Variants in ABHD15 observed in about 807,000 individuals in gnomAD.
The protein encoded by ABHD15 is protein ABHD15.
In ABHD15, 34 loss-of-function variants were observed where a neutral mutation model predicts 34.4. That is an observed-to-expected ratio of 0.99 (90% CI 0.75 to 1.32). The LOEUF is 1.32. ABHD15 is among the 40% of genes most tolerant of loss of function. ABHD15 has a pLI of 0.00. For synonymous variants in ABHD15, 314 were observed against 299.2 expected, an observed-to-expected ratio of 1.05 and a Z score of -0.51; for missense variants, 644 against 650.4, an observed-to-expected ratio of 0.99 and a Z score of 0.11.
chr17:29,566,427 G>T lies in ABHD15; in HGVS notation c.540C>A (p.Leu180=). 2 of 1,612,228 alleles carry T rather than the reference G, an allele frequency of 1.2e-6. No individual in the cohort carries two copies. The highest frequency in any genetic ancestry group is 1.7e-6 in the Non-Finnish European group (2 of 1,179,570). The part of the protein sequence containing the change: ...LTRNVLGLCL[L]ALERGYYPVI... Reference sequence around the variant, plus strand: ...CCGGGTAGTAGCCGCGCTCCAGGGCGAGCAAGCAAAGGCCGAGCACGTTGC... The same window carrying T: ...CCGGGTAGTAGCCGCGCTCCAGGGCTAGCAAGCAAAGGCCGAGCACGTTGC... Residue 180 remains leucine, a synonymous_variant, in exon 1 of 2, where the codon CTC becomes CTA. Transcript: ENST00000307201.
At chr17:29,565,103 T>G (rs1327998396) in intron 1 of ABHD15, among the ~76,000 whole-genome samples, 2 of 151,696 alleles carry the variant, frequency 1.3e-5, no homozygotes, top group East Asian at 3.9e-4. Flanking sequence ...AAAAAAATAT[T>G]AAAAATTAGC....
At position 29,563,050 on chromosome 17, in the gene ABHD15, G is replaced by A; in HGVS notation, c.918C>T (p.Ser306=). The A allele has an allele frequency of 6.2e-7, 1 of 1,609,888 alleles. No individual in the cohort carries two copies. The highest frequency in any genetic ancestry group is 8.5e-7 in the Non-Finnish European group (1 of 1,179,950). The change falls in exon 2 of 2, where the codon AGC becomes AGT. Residue 306 remains serine (S), a synonymous_variant. Transcript: ENST00000307201. ...GAAGGGAACGGCTCCTGAACAGTCT[G>A]CTGGTGTCCACAGTGTCCTCCAGGG... ...ATALEDTVDT[S]RLFRSRSLRE... is the part of the protein sequence containing the mutation.
chr17:29,566,259 TTCGCTC>T lies in ABHD15; in HGVS notation c.702_707del (p.Ser235_Glu236del). On this transcript the variant is annotated inframe_deletion, in exon 1 of 2. Transcript: ENST00000307201. Reference sequence around the variant, plus strand: ...ACAGGAGCAGCGCCGAGCCCGAGCCTTCGCTCACCGCGAACAGCGGCGCCGCCGGGT... The same window carrying T: ...ACAGGAGCAGCGCCGAGCCCGAGCCTACCGCGAACAGCGGCGCCGCCGGGT... The T allele has an allele frequency of 6.2e-7, 1 of 1,610,818 alleles. No homozygotes were observed. Among genetic ancestry groups the T allele is most frequent in the Non-Finnish European group, 8.5e-7 (1 of 1,178,938 alleles).
At position 29,566,776 on chromosome 17, in the gene ABHD15, T is replaced by TCCCCCCCCCCCCC; in HGVS notation, c.190_191insGGGGGGGGGGGGG (p.Glu64GlyfsTer62). ...AAGGCTGCACCCTCCCGGCAGTGGC[T>TCCCCCCCCCCCCC]CGCGCCCGTCGCTGAACTGGTCCGC... On this transcript the variant is annotated frameshift_variant, in exon 1 of 2. Transcript: ENST00000307201. LOFTEE classifies it high-confidence loss of function. The TCCCCCCCCCCCCC allele has an allele frequency of 6.6e-7, 1 of 1,512,920 alleles. No individual in the cohort carries two copies. The highest frequency in any genetic ancestry group is 8.8e-7 in the Non-Finnish European group (1 of 1,137,342). 93.7% of individuals were successfully genotyped at this position (1,512,920 alleles called of 1,614,324 possible).
At position 29,566,869 on chromosome 17, in the gene ABHD15, A is replaced by C. The variant is rs1167952220; in HGVS notation, c.98T>G (p.Val33Gly). ...GGCCCCCGGCAGGGTCCTCTCTCCG[A>C]CGGCGCGCCCCCAGGGTCCCCGGAG... ...PRLRGPWGRA[V>G]GERTLPGAQD... The change falls in exon 1 of 2, where the codon GTC becomes GGC. Residue 33 changes from valine to glycine, a missense_variant. Physicochemically the swap from Val to Gly is moderately radical, Grantham distance 109. Transcript: ENST00000307201. 16 of 1,503,670 alleles carry C rather than the reference A, an allele frequency of 1.1e-5. No individual in the cohort carries two copies. Among genetic ancestry groups the C allele is most frequent in the African/African-American group, 2.9e-5 (2 of 68,690 alleles). The allele number at this position is 1,503,670 out of a possible 1,614,324, so 93.1% of individuals were successfully genotyped here. A position where few individuals can be genotyped will look rare whatever the true frequency, so the allele number is the denominator to read the frequency against.
intron 1 of ABHD15, 23 bp downstream of exon 1, chr17:29,566,063 G>A (rs945711372): frequency 6.6e-7 from 1 of 1,514,668 alleles, no homozygotes; most frequent in African/African-American, 1.4e-5. Flanking sequence ...TTTCCATGCT[G>A]GTCTGCGGCC....
chr17:29,566,414 C>T lies in ABHD15; in HGVS notation c.553G>A (p.Gly185Ser). ...CGATGGAAGATGACCGGGTAGTAGC[C>T]GCGCTCCAGGGCGAGCAAGCAAAGG... ...LGLCLLALER[G>S]YYPVIFHRRG... Residue 185 changes from glycine (G) to serine (S), a missense_variant, in exon 1 of 2, where the codon GGC becomes AGC. Transcript: ENST00000307201. The T allele has an allele frequency of 6.2e-7, 1 of 1,611,960 alleles. No homozygotes were observed. The highest frequency in any genetic ancestry group is 8.5e-7 in the Non-Finnish European group (1 of 1,179,404).
In ABHD15 at chr17:29,566,183, T is replaced by A; in HGVS notation, c.784A>T (p.Ile262Phe). Residue 262 changes from isoleucine to phenylalanine, a missense_variant, in exon 1 of 2, where the codon ATC (isoleucine) becomes TTC (phenylalanine). Ile to Phe is a conservative substitution (Grantham distance 21). Coordinates refer to ENST00000307201, the MANE Select transcript of ABHD15 (RefSeq NM_198147.3). ...TCTCGGCAGCGCAGCACGGGCGAGA[T>A]GCAGGCGGCGCCTGTCACGTAGCTG... is the stretch of plus-strand genomic sequence containing the variant. ...SSSYVTGAAC[I>F]SPVLRCREWF... 1 of 1,609,514 alleles carries A rather than the reference T, an allele frequency of 6.2e-7. No individual in the cohort carries two copies. The highest frequency in any genetic ancestry group is 8.5e-7 in the Non-Finnish European group (1 of 1,177,810).
At position 29,566,701 on chromosome 17, in the gene ABHD15, C is replaced by A; in HGVS notation, c.266G>T (p.Arg89Leu). ...CGGGCCGGCCTCCAGCGCCTCTGAG[C>A]GCCGCAGGGCGCGCAGCAGGCACTG... ...LAQCLLRALR[R>L]SEALEAGPRS... Residue 89 changes from arginine to leucine, a missense_variant, in exon 1 of 2, where the codon CGC (arginine) becomes CTC (leucine). By Grantham distance (102) the Arg-to-Leu change is moderately radical. Coordinates refer to ENST00000307201, the MANE Select transcript of ABHD15 (RefSeq NM_198147.3). The A allele has an allele frequency of 1.3e-6, 2 of 1,583,838 alleles. No individual in the cohort carries two copies. The highest frequency in any genetic ancestry group is 1.7e-4 in the Middle Eastern group (1 of 5,850).
intron 1 of ABHD15, among the ~76,000 whole-genome samples, chr17:29,564,212 T>G (rs909293772): frequency 6.6e-6 from 1 of 152,278 alleles, no homozygotes; most frequent in Non-Finnish European, 1.5e-5. Context: ...AGGTGACACC[T>G]CTGCTAATAA....
chr17:29,566,802 CG>C lies in ABHD15; in HGVS notation c.164del (p.Pro55ArgfsTer62). Reference sequence around the variant, plus strand: ...CGCGCCCGTCGCTGAACTGGTCCGCCGGGCCTCCGCCGTCCGCCTCCTCCCC... The same window carrying C: ...CGCGCCCGTCGCTGAACTGGTCCGCCGGCCTCCGCCGTCCGCCTCCTCCCC... ...DDGEEADGGG[P>X]ADQFSDGREP... On this transcript the variant is annotated frameshift_variant, in exon 1 of 2. Transcript: ENST00000307201. LOFTEE classifies it high-confidence loss of function. 3 of 1,513,492 alleles carry C rather than the reference CG, an allele frequency of 2.0e-6. No individual in the cohort carries two copies. Among genetic ancestry groups the C allele is most frequent in the Non-Finnish European group, 2.6e-6 (3 of 1,138,620 alleles). The allele number at this position is 1,513,492 out of a possible 1,614,324, so 93.8% of individuals were successfully genotyped here.
At position 29,560,714 on chromosome 17, in the gene ABHD15, G is replaced by T. The variant is rs918765841; in HGVS notation, c.*1847C>A. ...CTGTCGCCCAGGCTGGAGTGCAGTGGTGCGATCTCAGCTCACTGCAAGCTC... is the reference window on the plus strand; with the variant it reads ...CTGTCGCCCAGGCTGGAGTGCAGTGTTGCGATCTCAGCTCACTGCAAGCTC... On this transcript the variant is annotated 3_prime_UTR_variant, in exon 2 of 2. Coordinates refer to ENST00000307201, the MANE Select transcript of ABHD15 (RefSeq NM_198147.3). The T allele has an allele frequency of 3.3e-5, 5 of 151,926 alleles. No individual in the cohort carries two copies. The highest frequency in any genetic ancestry group is 4.8e-5 in the African/African-American group (2 of 41,324). The allele number at this position is 151,926 out of a possible 1,614,324, so 9.4% of individuals were successfully genotyped here.
chr17:29,562,644 C>T lies in ABHD15; in HGVS notation c.1324G>A (p.Gly442Arg), dbSNP rs747262799. The T allele has an allele frequency of 4.3e-6, 7 of 1,613,980 alleles. No individual in the cohort carries two copies. Among genetic ancestry groups the T allele is most frequent in the African/African-American group, 4.0e-5 (3 of 74,910 alleles). Residue 442 changes from glycine (G) to arginine (R), a missense_variant, in exon 2 of 2, where the codon GGG (glycine) becomes AGG (arginine). Physicochemically the swap from Gly to Arg is moderately radical, Grantham distance 125 (BLOSUM62 -2). Transcript: ENST00000307201. Reference sequence around the variant, plus strand: ...ACTTCCCGCCTCTGCAAGGCTCCCCCACGACGACGGCCCCCAAGGAAGGAA... The same window carrying T: ...ACTTCCCGCCTCTGCAAGGCTCCCCTACGACGACGGCCCCCAAGGAAGGAA... ...RASFLGGRRRGGALQRREVSS... is the reference protein window; with the variant it reads ...RASFLGGRRRRGALQRREVSS...
chr17:29,566,658 C>A lies in ABHD15; in HGVS notation c.309G>T (p.Gly103=), dbSNP rs761577551. The change falls in exon 1 of 2, where the codon GGG becomes GGT. Residue 103 remains glycine (G), a synonymous_variant. Coordinates refer to ENST00000307201, the MANE Select transcript of ABHD15 (RefSeq NM_198147.3). ...LEAGPRSWFS[G]PHLQTLCHFV... ...AGTGGCAGAGGGTCTGCAGGTGGGG[C>A]CCGGAGAACCAGGAGCGCGGGCCGG... is the stretch of plus-strand genomic sequence containing the variant. The A allele has an allele frequency of 1.9e-6, 3 of 1,602,960 alleles. No homozygotes were observed. The highest frequency in any genetic ancestry group is 4.5e-5 in the East Asian group (2 of 44,774).
Position 29,564,443 on chromosome 17 carries a change from G to A in ABHD15, c.882-1357C>T, listed in dbSNP as rs543402023. On this transcript the variant is annotated intron_variant, in intron 1 of 1. Coordinates refer to ENST00000307201, the MANE Select transcript of ABHD15 (RefSeq NM_198147.3). ...TCAGAGCAACTGCTTTGGGTAACAGGGAACATCTTTGCTGTTTCTAGACCC... is the reference window on the plus strand; with the variant it reads ...TCAGAGCAACTGCTTTGGGTAACAGAGAACATCTTTGCTGTTTCTAGACCC... Among the ~76,000 whole-genome samples the A allele has an allele frequency of 3.9e-5, 6 of 152,296 alleles. No individual in the cohort carries two copies. The South Asian group carries it at 8.3e-4, about 21-fold the overall frequency.
exon 1 of ABHD15, chr17:29,567,021 AGCTCCGCGCTTTGCCCGCG>A: frequency 8.1e-7 from 1 of 1,227,306 alleles, no homozygotes; most frequent in Non-Finnish European, 1.0e-6. The surrounding 1 kb of genome is among the most constrained non-coding windows in gnomAD (Gnocchi z 6.6). Context: ...CTACTCGGCG[AGCTCCGCGCTTTGCCCGCG>A]GCTCCGCCCG....
chr17:29,562,756 G>T lies in ABHD15; in HGVS notation c.1212C>A (p.Ser404Arg). The change falls in exon 2 of 2, where the codon AGC becomes AGA. Residue 404 changes from serine (S) to arginine (R), a missense_variant. Physicochemically the swap from Ser to Arg is moderately radical, Grantham distance 110. Coordinates refer to ENST00000307201, the MANE Select transcript of ABHD15 (RefSeq NM_198147.3). ...GGAAGGACTCCAAGATGACCTCATG[G>T]CTCCAGGCTGGCAAGGGCTCCTGGC... ...FLRQEPLPAW[S>R]HEVILESFRA... 1 of 1,614,100 alleles carries T rather than the reference G, an allele frequency of 6.2e-7. No homozygotes were observed. Among genetic ancestry groups the T allele is most frequent in the Non-Finnish European group, 8.5e-7 (1 of 1,179,980 alleles).
chr17:29,562,821 G>C lies in ABHD15; in HGVS notation c.1147C>G (p.Leu383Val). The C allele has an allele frequency of 6.2e-7, 1 of 1,613,734 alleles. No individual in the cohort carries two copies. The highest frequency in any genetic ancestry group is 1.3e-5 in the African/African-American group (1 of 75,056). Reference protein sequence around the residue: ...ELFHSNPYFFLLLSRHGGHCG... With the variant: ...ELFHSNPYFFVLLSRHGGHCG... Reference sequence around the variant, plus strand: ...TGGCCTCCGTGGCGACTGAGCAGGAGGAAGAAGTAGGGGTTGCTGTGGAAG... The same window carrying C: ...TGGCCTCCGTGGCGACTGAGCAGGACGAAGAAGTAGGGGTTGCTGTGGAAG... The change falls in exon 2 of 2, where the codon CTC becomes GTC. Residue 383 changes from leucine (L) to valine (V), a missense_variant. Transcript: ENST00000307201.
rs1427949008 is a variant in ABHD15, at chr17:29,562,579, C to T, written c.1389G>A (p.Lys463=). 24 of 1,613,524 alleles carry T rather than the reference C, an allele frequency of 1.5e-5. No homozygotes were observed. The highest frequency in any genetic ancestry group is 2.0e-5 in the Non-Finnish European group (24 of 1,179,834). The part of the protein sequence containing the change: ...SSNLEEIFNW[K]RSYTR ...AGGTCTTTCACCTTGTGTATGATCG[C>T]TTCCAGTTAAAGATCTCCTCCAGGT... Residue 463 remains lysine, a synonymous_variant, in exon 2 of 2, where the codon AAG becomes AAA. Coordinates refer to ENST00000307201, the MANE Select transcript of ABHD15 (RefSeq NM_198147.3).
Sources: allele counts gnomAD v4.1 joint callset (sites outside exome capture counted in the v4.1 genomes callset), GRCh38; gene constraint gnomAD v4.1.1; non-coding constraint Gnocchi (gnomAD v3.1); transcripts MANE v1.5; gene names NCBI Gene and HGNC (gene_info 2026-07-23, HGNC 2026-07-21).